The following C1orf21 variants were observed in gnomAD, a reference collection of about 807,000 sequenced individuals.
The protein encoded by C1orf21 is chromosome 1 open reading frame 21.
In C1orf21, 3 loss-of-function variants were observed where a neutral mutation model predicts 18.7. The ratio of observed to expected loss-of-function variants is 0.16; its 90% confidence interval spans 0.07 to 0.42. The LOEUF (loss-of-function observed/expected upper bound fraction) is 0.42, where lower values mean the gene tolerates loss of function less well. Among genes scored for constraint, C1orf21 ranks in the 10% least tolerant of loss-of-function variants. The probability of loss-of-function intolerance (pLI) is 0.99; values close to 1 mark genes in which losing one functional copy is unlikely to be tolerated. For synonymous variants in C1orf21, 41 were observed against 46.4 expected, an observed-to-expected ratio of 0.88 and a Z score of 0.47; for missense variants, 104 against 143.6, an observed-to-expected ratio of 0.72 and a Z score of 1.41.
intron 1 of C1orf21, among the ~76,000 whole-genome samples, chr1:184,451,936 ATGTTAG>A (rs541751457): frequency 7.8e-4 from 119 of 152,324 alleles, no homozygotes; most frequent in African/African-American, 2.7e-3. Flanking sequence ...TTAAAAATAA[ATGTTAG>A]TGTTAGTTTG....
chr1:184,430,041 G>A (rs1310498059), intron 1 of C1orf21, among the ~76,000 whole-genome samples: 1 of 151,494 alleles, frequency 6.6e-6, no homozygotes, highest in African/African-American at 2.4e-5. Flanking sequence ...GAACCCGGGA[G>A]GTGGAGCTTG....
Position 184,626,281 on chromosome 1 carries a change from A to G in C1orf21, c.*6725A>G, listed in dbSNP as rs566491706. 1.3e-5 allele frequency: 2 copies of G among 152,204 alleles called. No homozygotes were observed. The highest frequency in any genetic ancestry group is 2.4e-5 in the African/African-American group (1 of 41,408). 9.4% of individuals were successfully genotyped at this position (152,204 alleles called of 1,614,324 possible). ...AGCATCTCACCGTGGCAGCCAGCCC[A>G]GTTTTGGCAATCAGGGGCTTCCTGA... On this transcript the variant is annotated 3_prime_UTR_variant, in exon 6 of 6. Coordinates refer to ENST00000235307, the MANE Select transcript of C1orf21 (RefSeq NM_030806.4).
intron 1 of C1orf21, among the ~76,000 whole-genome samples, chr1:184,420,179 G>A (rs186041421): frequency 2.2e-4 from 34 of 151,962 alleles, no homozygotes; most frequent in Admixed American, 4.6e-4. Context: ...CTCTCTAAGA[G>A]CCAGGATTTA....
At chr1:184,485,896 C>T (rs1185829921) in intron 2 of C1orf21, among the ~76,000 whole-genome samples, 2 of 152,130 alleles carry the variant, frequency 1.3e-5, no homozygotes, top group Non-Finnish European at 2.9e-5. Flanking sequence ...TCATAGGAGA[C>T]AGTAAAGAGC....
intron 4 of C1orf21, among the ~76,000 whole-genome samples, chr1:184,591,347 G>T (rs530163770): frequency 5.3e-5 from 8 of 152,164 alleles, no homozygotes; most frequent in Non-Finnish European, 1.0e-4. Flanking sequence ...GACTTTGTAG[G>T]CCAGTTAGAA....
chr1:184,397,598 A>AAC (rs1656081365), intron 1 of C1orf21, among the ~76,000 whole-genome samples: 1 of 152,096 alleles, frequency 6.6e-6, no homozygotes, highest in East Asian at 1.9e-4. Context: ...AAAGAAAAAA[A>AAC]AACAACTGTA....
At chr1:184,585,322 G>C (rs1273346274) in intron 3 of C1orf21, among the ~76,000 whole-genome samples, 1 of 152,134 alleles carries the variant, frequency 6.6e-6, no homozygotes, top group Non-Finnish European at 1.5e-5. Context: ...TAAACTGCTG[G>C]TGCCTTAGCC....
At chr1:184,480,857 G>C (rs1314384913) in intron 2 of C1orf21, among the ~76,000 whole-genome samples, 2 of 152,152 alleles carry the variant, frequency 1.3e-5, no homozygotes, top group African/African-American at 4.8e-5. Flanking sequence ...TTAATCTACT[G>C]GTGGTCGAGC....
At chr1:184,476,865 G>T (rs1329636473) in intron 1 of C1orf21, among the ~76,000 whole-genome samples, 1 of 152,126 alleles carries the variant, frequency 6.6e-6, no homozygotes, top group Admixed American at 6.5e-5. Flanking sequence ...AACCAGAAAT[G>T]TATAAAGTAG....
chr1:184,582,830 T>G (rs1172986599), intron 3 of C1orf21, among the ~76,000 whole-genome samples: 1 of 151,782 alleles, frequency 6.6e-6, no homozygotes, highest in Non-Finnish European at 1.5e-5. Context: ...TGTTTTTTTG[T>G]TTGTTTGTTT....
chr1:184,491,950 A>G (rs903122756), intron 2 of C1orf21, among the ~76,000 whole-genome samples: 5 of 152,226 alleles, frequency 3.3e-5, no homozygotes, highest in African/African-American at 9.6e-5. Flanking sequence ...TTAGGAAGAG[A>G]AGGAATCAGA....
At chr1:184,533,526 G>T (rs1658501546) in intron 3 of C1orf21, among the ~76,000 whole-genome samples, 2 of 152,162 alleles carry the variant, frequency 1.3e-5, no homozygotes, top group Non-Finnish European at 2.9e-5. Context: ...ACTTAGGCAG[G>T]TTGGATGCTA....
chr1:184,552,310 A>G (rs1273575225), intron 3 of C1orf21, among the ~76,000 whole-genome samples: 9 of 152,256 alleles, frequency 5.9e-5, no homozygotes, highest in Non-Finnish European at 4.4e-5. Context: ...ATAACCTTAT[A>G]GTATATAGTT....
At chr1:184,467,015 T>C (rs1454786394) in intron 1 of C1orf21, among the ~76,000 whole-genome samples, 1 of 152,204 alleles carries the variant, frequency 6.6e-6, no homozygotes, top group Non-Finnish European at 1.5e-5. Context: ...TCCTTTTCTG[T>C]CTTTTTAGGG....
intron 2 of C1orf21, among the ~76,000 whole-genome samples, chr1:184,496,443 G>A (rs184587092): frequency 3.9e-5 from 6 of 152,180 alleles, no homozygotes; most frequent in Non-Finnish European, 8.8e-5. Flanking sequence ...AAGACCCCCG[G>A]ATTTCGGGCA....
At chr1:184,605,545 C>T (rs1001706325) in intron 5 of C1orf21, among the ~76,000 whole-genome samples, 30 of 152,130 alleles carry the variant, frequency 2.0e-4, no homozygotes, top group Admixed American at 7.9e-4. Context: ...GACATCTCTA[C>T]TTGGAGCAGC....
At chr1:184,506,076 T>A (rs543125523) in intron 2 of C1orf21, among the ~76,000 whole-genome samples, 6 of 152,282 alleles carry the variant, frequency 3.9e-5, no homozygotes, top group Non-Finnish European at 8.8e-5. Context: ...TAATTGTGGA[T>A]CAGAATCTGC....
At chr1:184,499,268 G>A (rs961729455) in intron 2 of C1orf21, among the ~76,000 whole-genome samples, 1 of 152,128 alleles carries the variant, frequency 6.6e-6, no homozygotes, top group Non-Finnish European at 1.5e-5. Context: ...CAGAATATCA[G>A]CAGGCCTTAA....
chr1:184,580,845 G>T (rs940168023), intron 3 of C1orf21, among the ~76,000 whole-genome samples: 1 of 152,100 alleles, frequency 6.6e-6, no homozygotes, highest in Non-Finnish European at 1.5e-5. Flanking sequence ...ATTTATTTTG[G>T]TGGAAAAAAT....
Sources: gnomAD v4.1 joint callset for allele counts (sites outside exome capture counted in the v4.1 genomes callset) on GRCh38, gnomAD v4.1.1 for gene constraint, MANE v1.5 for transcripts, NCBI Gene and HGNC (gene_info 2026-07-23, HGNC 2026-07-21) for gene names.